Variants in FKBP9 observed in about 807,000 individuals in gnomAD.
FKBP9 encodes the protein peptidyl-prolyl cis-trans isomerase FKBP9.
In FKBP9, 27 loss-of-function variants were observed where a neutral mutation model predicts 55.6. The ratio of observed to expected loss-of-function variants is 0.49; its 90% CI spans 0.36 to 0.67. FKBP9 has a LOEUF of 0.67. Among genes scored for constraint, FKBP9 ranks in the 30% least tolerant of loss-of-function variants. The pLI is 0.00. For synonymous variants in FKBP9, 267 were observed against 296.5 expected, an observed-to-expected ratio of 0.90 and a Z score of 1.02; for missense variants, 539 against 742.8, an observed-to-expected ratio of 0.73 and a Z score of 3.19.
At chr7:32,960,025 C>T (rs1463886025) in intron 1 of FKBP9, among the ~76,000 whole-genome samples, 1 of 151,622 alleles carries the variant, frequency 6.6e-6, no homozygotes, top group East Asian at 1.9e-4. Flanking sequence ...TGTTTCCCCA[C>T]AATGGCTGCA....
chr7:32,987,143 G>A (rs1264893276), intron 5 of FKBP9, among the ~76,000 whole-genome samples: 1 of 152,066 alleles, frequency 6.6e-6, no homozygotes, highest in African/African-American at 2.4e-5. Flanking sequence ...TTGTCGGGCT[G>A]TGGTGGAGAG....
chr7:32,970,149 A>G (rs1466770529), intron 1 of FKBP9, among the ~76,000 whole-genome samples: 3 of 151,998 alleles, frequency 2.0e-5, no homozygotes, highest in African/African-American at 7.3e-5. Flanking sequence ...AAGTCTTCCC[A>G]TCCATGAACG....
In FKBP9 at chr7:33,006,577, C is replaced by T. The variant is rs529959068; in HGVS notation, c.*1226C>T. On this transcript the variant is annotated 3_prime_UTR_variant, in exon 10 of 10. Coordinates refer to ENST00000242209, the MANE Select transcript of FKBP9 (RefSeq NM_007270.5). ...TGGAAGTTTTGTCCCAATAGATGAG[C>T]TGCTGAGCATCAACAAGGTGACATT... 4.8e-5 allele frequency: 10 copies of T among 208,962 alleles called. No homozygotes were observed. In the East Asian group the frequency reaches 7.2e-4, roughly 15 times the overall value. 12.9% of individuals were successfully genotyped at this position (208,962 alleles called of 1,614,324 possible).
chr7:32,977,210 G>C (rs947566065), intron 4 of FKBP9, among the ~76,000 whole-genome samples: 14 of 152,194 alleles, frequency 9.2e-5, no homozygotes, highest in Non-Finnish European at 1.5e-4. Context: ...TGAATTTCAG[G>C]TGCGTTTAGT....
Position 32,968,228 on chromosome 7 carries a change from A to T in FKBP9, c.222-6389A>T, listed in dbSNP as rs578070201. On this transcript the variant is annotated intron_variant, in intron 1 of 9. Coordinates refer to ENST00000242209, the MANE Select transcript of FKBP9 (RefSeq NM_007270.5). ...GGCTAATTTTTGTGTTTTTGTAAAGATGGTGTTTCACCAGGTTGCCTAGGC... is the reference window on the plus strand; with the variant it reads ...GGCTAATTTTTGTGTTTTTGTAAAGTTGGTGTTTCACCAGGTTGCCTAGGC... 8.5e-5 allele frequency among the ~76,000 whole-genome samples: 13 copies of T among 152,282 alleles called. No individual in the cohort carries two copies. In the South Asian group the frequency reaches 1.0e-3, roughly 12 times the overall value.
Position 32,965,829 on chromosome 7 carries a change from A to G in FKBP9, c.221+8035A>G, listed in dbSNP as rs1317757849. On this transcript the variant is annotated intron_variant, in intron 1 of 9. Transcript: ENST00000242209. ...AAAAAAAAAATATATATATATATATATATATATATATATATGTGTGTACAG... is the reference window on the plus strand; with the variant it reads ...AAAAAAAAAATATATATATATATATGTATATATATATATATGTGTGTACAG... Among the ~76,000 whole-genome samples, 165 of 29,788 alleles carry G rather than the reference A, an allele frequency of 5.5e-3. 7 individuals carry two copies. The highest frequency in any genetic ancestry group is 0.017 in the African/African-American group (161 of 9,382). 19.5% of individuals were successfully genotyped at this position (29,788 alleles called of 152,430 possible).
At chr7:32,996,881 G>T (rs1297446119) in intron 7 of FKBP9, among the ~76,000 whole-genome samples, 1 of 132,484 alleles carries the variant, frequency 7.5e-6, no homozygotes, top group Admixed American at 8.8e-5. Flanking sequence ...TGCAAGCTCC[G>T]CTTCCCGGGT....
chr7:32,992,318 T>C (rs28398356), intron 6 of FKBP9, among the ~76,000 whole-genome samples: 71,971 of 119,166 alleles, frequency 0.6, 20,637 homozygotes, highest in Non-Finnish European at 0.68. Context: ...ACTGACTCTC[T>C]GCAGAGGAAA....
At chr7:32,996,763 TGA>T (rs1163286793) in intron 7 of FKBP9, among the ~76,000 whole-genome samples, 3 of 117,940 alleles carry the variant, frequency 2.5e-5, no homozygotes, top group African/African-American at 8.0e-5. Context: ...TTTTTTTTTT[TGA>T]TAAAGTCTCA....
In FKBP9 at chr7:32,996,174, G is replaced by A. The variant is rs748874793; in HGVS notation, c.1051G>A (p.Gly351Ser). ...TGTCTGTCCTTTAGGGAATATCCCC[G>A]GCTCGGCTGTGCTGGTGTTTGACAT... is the stretch of plus-strand genomic sequence containing the variant. ...YGEEGRGNIP[G>S]SAVLVFDIHV... Residue 351 changes from glycine (G) to serine (S), a missense_variant, in exon 7 of 10, where the codon GGC (glycine) becomes AGC (serine). By Grantham distance (56) the Gly-to-Ser change is moderately conservative. Transcript: ENST00000242209. The A allele has an allele frequency of 1.7e-5, 28 of 1,613,968 alleles. No individual in the cohort carries two copies. The highest frequency in any genetic ancestry group is 2.1e-5 in the Non-Finnish European group (25 of 1,180,006).
At chr7:32,992,046 G>A (rs913451670) in intron 6 of FKBP9, among the ~76,000 whole-genome samples, 6 of 152,194 alleles carry the variant, frequency 3.9e-5, no homozygotes, top group African/African-American at 1.4e-4. Context: ...ATCCATGATG[G>A]AGCTGGAATT....
At chr7:32,972,792 A>G (rs1784278618) in intron 1 of FKBP9, among the ~76,000 whole-genome samples, 1 of 152,082 alleles carries the variant, frequency 6.6e-6, no homozygotes, top group Non-Finnish European at 1.5e-5. Flanking sequence ...GCACCATCTC[A>G]GCTCACTGCA....
chr7:32,990,560 A>T (rs1327401418), intron 6 of FKBP9, among the ~76,000 whole-genome samples: 4 of 151,470 alleles, frequency 2.6e-5, no homozygotes, highest in East Asian at 1.9e-4. Flanking sequence ...GTATAGGTTT[A>T]AAAAAAAATG....
chr7:32,976,850 C>T (rs1784372435), intron 4 of FKBP9, among the ~76,000 whole-genome samples: 1 of 152,168 alleles, frequency 6.6e-6, no homozygotes, highest in Non-Finnish European at 1.5e-5. Context: ...TTTCCACTTA[C>T]TTATAGTCAT....
At chr7:32,962,940 T>A (rs1475397878) in intron 1 of FKBP9, among the ~76,000 whole-genome samples, 1 of 151,794 alleles carries the variant, frequency 6.6e-6, no homozygotes, top group Non-Finnish European at 1.5e-5. Context: ...ACCCAGCTAA[T>A]ATAACTGACC....
chr7:32,981,690 G>T (rs184654476), intron 5 of FKBP9, among the ~76,000 whole-genome samples: 197 of 152,146 alleles, frequency 1.3e-3, no homozygotes, highest in African/African-American at 4.6e-3. Flanking sequence ...TTGGAAAAGA[G>T]TAATAGTTAC....
intron 6 of FKBP9, chr7:32,993,136 G>T (rs548538288): frequency 1.7e-5 from 4 of 232,586 alleles, no homozygotes; most frequent in African/African-American, 8.8e-5. Context: ...ATGCATCTTG[G>T]AGGGGAGATT....
Position 32,957,650 on chromosome 7 carries a change from C to G in FKBP9, c.77C>G (p.Pro26Arg). The part of the protein sequence containing the change: ...LLLWVTGQAA[P>R]VAGLGSDAEL... ...CTCTGGGTGACCGGGCAGGCAGCGC[C>G]CGTGGCGGGCCTGGGCTCCGACGCG... Residue 26 changes from proline (P) to arginine (R), a missense_variant, in exon 1 of 10, where the codon CCC becomes CGC. By Grantham distance (103) the Pro-to-Arg change is moderately radical. Around this residue, in one of 4 missense-constraint regions of FKBP9, gnomAD observed 236 missense variants for 271.5 expected, o/e 0.87. Transcript: ENST00000242209. 1 of 1,502,938 alleles carries G rather than the reference C, an allele frequency of 6.7e-7. No homozygotes were observed. Among genetic ancestry groups the G allele is most frequent in the African/African-American group, 1.5e-5 (1 of 68,930 alleles). 93.1% of individuals were successfully genotyped at this position (1,502,938 alleles called of 1,614,324 possible).
At position 32,957,551 on chromosome 7, in the gene FKBP9, G is replaced by A. The variant is rs1314990738; in HGVS notation, c.-23G>A. 7.1e-7 allele frequency: 1 copy of A among 1,417,268 alleles called. No individual in the cohort carries two copies. Among genetic ancestry groups the A allele is most frequent in the Non-Finnish European group, 9.1e-7 (1 of 1,093,572 alleles). The allele number at this position is 1,417,268 out of a possible 1,614,324, so 87.8% of individuals were successfully genotyped here. ...GCCGCCCGAGCGCCGCGCTGCGTCC[G>A]CGCCACTCTTCTCGCCGCCCCGATG... On this transcript the variant is annotated 5_prime_UTR_variant, in exon 1 of 10. Transcript: ENST00000242209.
Sources: gnomAD v4.1 joint callset for allele counts (sites outside exome capture counted in the v4.1 genomes callset) on GRCh38, gnomAD v4.1.1 for gene constraint, gnomAD v4.1.1 regional missense constraint, MANE v1.5 for transcripts, NCBI Gene and HGNC (gene_info 2026-07-23, HGNC 2026-07-21) for gene names.